The following FOXP2 variants were observed in gnomAD, a reference collection of about 807,000 sequenced individuals.
The protein encoded by FOXP2 is forkhead box P2.
FOXP2 carries 12 observed loss-of-function variants against 115.8 expected under a neutral mutation model. That is an observed-to-expected ratio of 0.10 (90% CI 0.07 to 0.17). The LOEUF (loss-of-function observed/expected upper bound fraction) is 0.17. FOXP2 is among the 10% of genes least tolerant of loss of function. FOXP2 has a pLI of 1.00. For missense variants in FOXP2, 629 were observed against 843.5 expected, an observed-to-expected ratio of 0.75 and a Z score of 3.15; for synonymous variants, 328 against 297.7, an observed-to-expected ratio of 1.10 and a Z score of -1.05.
intron 1 of FOXP2, among the ~76,000 whole-genome samples, chr7:114,236,899 C>T (rs1237903440): frequency 6.6e-6 from 1 of 152,112 alleles, no homozygotes; most frequent in Non-Finnish European, 1.5e-5. Context: ...ATTGCTTGAA[C>T]CCAGGAGGTG....
intron 3 of FOXP2, among the ~76,000 whole-genome samples, chr7:114,626,621 T>G (rs1346596289): frequency 6.6e-6 from 1 of 151,780 alleles, no homozygotes; most frequent in Non-Finnish European, 1.5e-5. Context: ...CTATCTAGAT[T>G]GACAGCCTTT....
At chr7:114,559,420 T>A (rs2129290280) in intron 3 of FOXP2, among the ~76,000 whole-genome samples, 1 of 152,294 alleles carries the variant, frequency 6.6e-6, no homozygotes, top group East Asian at 1.9e-4. Context: ...ATCCTCTTTC[T>A]GTTATTGGCT....
rs181824513 is a variant in FOXP2, at chr7:114,658,474, A to G, written c.1468+207A>G. Among the ~76,000 whole-genome samples the G allele has an allele frequency of 2.6e-5, 4 of 152,272 alleles. No individual in the cohort carries two copies. In the East Asian group the frequency reaches 7.7e-4, roughly 29 times the overall value. On this transcript the variant is annotated intron_variant, in intron 11 of 16. Coordinates refer to ENST00000350908, the MANE Select transcript of FOXP2 (RefSeq NM_014491.4). ...GTTCTGAATGGTTGTTCAGGAAAGA[A>G]AGCTCTCCCCATTAGAGACACTGAG...
chr7:114,302,609 A>G (rs1399935931), intron 2 of FOXP2, among the ~76,000 whole-genome samples: 1 of 152,190 alleles, frequency 6.6e-6, no homozygotes, highest in East Asian at 1.9e-4. Context: ...ACACACAGAA[A>G]GATAACTCTA....
intron 1 of FOXP2, among the ~76,000 whole-genome samples, chr7:114,227,462 C>T (rs1794770874): frequency 6.6e-6 from 1 of 151,984 alleles, no homozygotes; most frequent in South Asian, 2.1e-4. Flanking sequence ...CTTTCTTTTT[C>T]TTTAATAAAC....
chr7:114,276,395 C>A (rs945996906), intron 1 of FOXP2, among the ~76,000 whole-genome samples: 57 of 152,088 alleles, frequency 3.7e-4, no homozygotes, highest in Non-Finnish European at 3.2e-4. Flanking sequence ...GAACTCCTGA[C>A]CTCAGGTGAT....
intron 2 of FOXP2, among the ~76,000 whole-genome samples, chr7:114,400,392 A>G (rs1792857988): frequency 1.3e-5 from 2 of 152,184 alleles, no homozygotes; most frequent in Non-Finnish European, 1.5e-5. Flanking sequence ...ATTGAAACAC[A>G]GTTTTTCCTA....
chr7:114,675,206 TATACTAGAAAGAA>T (rs1807692438), intron 16 of FOXP2, among the ~76,000 whole-genome samples: 1 of 152,120 alleles, frequency 6.6e-6, no homozygotes, highest in East Asian at 1.9e-4. Context: ...TTCCTTTATA[TATACTAGAAAGAA>T]ATGAGTAAAA....
intron 1 of FOXP2, among the ~76,000 whole-genome samples, chr7:114,104,008 A>G (rs1028495237): frequency 4.0e-5 from 6 of 151,630 alleles, no homozygotes; most frequent in African/African-American, 1.5e-4. Context: ...TTCTTTGTGA[A>G]GTAATTTAGT....
chr7:114,304,351 A>G (rs764168584), intron 2 of FOXP2, among the ~76,000 whole-genome samples: 2 of 151,986 alleles, frequency 1.3e-5, no homozygotes, highest in African/African-American at 4.8e-5. Flanking sequence ...AAATTATATC[A>G]TTCATTTTTA....
chr7:114,458,983 G>C (rs144570778), intron 2 of FOXP2, among the ~76,000 whole-genome samples: 1 of 152,146 alleles, frequency 6.6e-6, no homozygotes, highest in Non-Finnish European at 1.5e-5. Context: ...TCCGGAGGTG[G>C]GGCTGGGCTT....
chr7:114,307,086 T>C (rs1161811824), intron 2 of FOXP2, among the ~76,000 whole-genome samples: 1 of 152,168 alleles, frequency 6.6e-6, no homozygotes, highest in Non-Finnish European at 1.5e-5. Context: ...GATGTGAACA[T>C]CTTTGGGAAG....
intron 3 of FOXP2, among the ~76,000 whole-genome samples, chr7:114,569,749 T>C (rs1801197635): frequency 6.6e-6 from 1 of 151,962 alleles, no homozygotes; most frequent in African/African-American, 2.4e-5. Flanking sequence ...GAATTAATGT[T>C]GCTCTTATCT....
At chr7:114,564,833 A>T (rs1157119382) in intron 3 of FOXP2, among the ~76,000 whole-genome samples, 2 of 149,584 alleles carry the variant, frequency 1.3e-5, no homozygotes, top group Non-Finnish European at 3.0e-5. Context: ...GTGAGCCAAG[A>T]TTGCTCCACT....
At chr7:114,673,519 T>G (rs1465151438) in intron 16 of FOXP2, among the ~76,000 whole-genome samples, 1 of 152,220 alleles carries the variant, frequency 6.6e-6, no homozygotes, top group African/African-American at 2.4e-5. Context: ...GGAGTGAGCC[T>G]AAATCATGTA....
chr7:114,288,925 A>G (rs979473859), intron 2 of FOXP2, among the ~76,000 whole-genome samples: 2 of 151,756 alleles, frequency 1.3e-5, no homozygotes, highest in African/African-American at 2.4e-5. Flanking sequence ...AGGGAAACCA[A>G]AATGCCCGGG....
Position 114,427,257 on chromosome 7 carries a change from G to A in FOXP2, c.168+578G>A, listed in dbSNP as rs570352299. ...ATACATCTTTCAATAACATTAAAGA[G>A]CACTTTTTGTGTTCTCCTAAGTGTC... On this transcript the variant is annotated intron_variant, in intron 2 of 16. Transcript: ENST00000350908. 1.1e-4 allele frequency among the ~76,000 whole-genome samples: 17 copies of A among 151,650 alleles called. No homozygotes were observed. The East Asian group carries it at 3.3e-3, about 29-fold the overall frequency.
At chr7:114,517,953 A>G (rs551777578) in intron 2 of FOXP2, among the ~76,000 whole-genome samples, 2 of 152,142 alleles carry the variant, frequency 1.3e-5, no homozygotes, top group African/African-American at 4.8e-5. Context: ...CCTCCAATCC[A>G]TGAACATGGG....
chr7:114,424,022 C>A (rs1336709754), intron 1 of FOXP2, among the ~76,000 whole-genome samples: 2 of 151,384 alleles, frequency 1.3e-5, no homozygotes, highest in Non-Finnish European at 3.0e-5. Flanking sequence ...GATGATTGAA[C>A]TTAAAATGTA....
Sources: gnomAD v4.1 joint callset for allele counts (sites outside exome capture counted in the v4.1 genomes callset) on GRCh38, gnomAD v4.1.1 for gene constraint, MANE v1.5 for transcripts, NCBI Gene and HGNC (gene_info 2026-07-23, HGNC 2026-07-21) for gene names.